The following EXT2 variants were observed in gnomAD, a reference collection of about 807,000 sequenced individuals.
EXT2 encodes the protein exostosin glycosyltransferase 2.
In EXT2, 53 loss-of-function variants were observed where a neutral mutation model predicts 81.6. The observed-to-expected ratio is 0.65, with a 90% CI of 0.52 to 0.82. The LOEUF is 0.82. Among genes scored for constraint, EXT2 ranks in the 40% least tolerant of loss-of-function variants. EXT2 has a pLI of 0.00. For synonymous variants in EXT2, 320 were observed against 340.0 expected (o/e 0.94, Z 0.65); for missense variants, 774 against 910.2 (o/e 0.85, Z 1.93).
At position 44,197,987 on chromosome 11, in the gene EXT2, C is replaced by G. The variant is rs1565231134; in HGVS notation, c.1464C>G (p.Val488=). ...CCAGTCTATCCAAACTACTTGTCGT[C>G]TGGAATAATCAGAATAAAAACCCTC... The part of the protein sequence containing the change: ...KVPSLSKLLV[V]WNNQNKNPPE... Residue 488 remains valine (V), a synonymous_variant, in exon 9 of 14, where the codon GTC becomes GTG. Coordinates refer to ENST00000533608, the MANE Select transcript of EXT2 (RefSeq NM_207122.2). 3 of 1,614,108 alleles carry G rather than the reference C, an allele frequency of 1.9e-6. No homozygotes were observed. Among genetic ancestry groups the G allele is most frequent in the Non-Finnish European group, 2.5e-6 (3 of 1,179,986 alleles).
At chr11:44,205,286 CT>C (rs1485563560) in intron 9 of EXT2, among the ~76,000 whole-genome samples, 1 of 152,156 alleles carries the variant, frequency 6.6e-6, no homozygotes, top group Non-Finnish European at 1.5e-5. Context: ...TCTACTTATT[CT>C]TATGCTGAGA....
At chr11:44,102,890 TTTTC>T (rs1242883518) in intron 1 of EXT2, among the ~76,000 whole-genome samples, 1 of 152,210 alleles carries the variant, frequency 6.6e-6, no homozygotes, top group Non-Finnish European at 1.5e-5. Flanking sequence ...GTTTGTTTTG[TTTTC>T]TTTTTGTTTG....
chr11:44,181,448 A>G (rs926545054), intron 8 of EXT2, among the ~76,000 whole-genome samples: 19 of 151,972 alleles, frequency 1.3e-4, no homozygotes, highest in Admixed American at 2.0e-4. Flanking sequence ...TTCTTTGATT[A>G]TTTTATTTTT....
chr11:44,196,050 T>C (rs1488516138), intron 8 of EXT2, among the ~76,000 whole-genome samples: 1 of 152,208 alleles, frequency 6.6e-6, no homozygotes, highest in Non-Finnish European at 1.5e-5. Flanking sequence ...TCTTAATTAT[T>C]ATCAGTGCAA....
chr11:44,107,520 G>T (rs1422437032), intron 1 of EXT2, among the ~76,000 whole-genome samples, 163 bp from the exon 2 acceptor site: 3 of 152,062 alleles, frequency 2.0e-5, no homozygotes, highest in Admixed American at 6.5e-5. Flanking sequence ...GGAGGTGAAG[G>T]TTGCAGTGAG....
rs1411910242 is a variant in EXT2 at position 44,233,294 on chromosome 11, G to C, written c.1806+798G>C. On this transcript the variant is annotated intron_variant, in intron 11 of 13. Transcript: ENST00000533608. ...AAACTGTTTTACCATGCCTTTTCTTGCATGAAATATGATTAATAGAAAAGA... is the reference window on the plus strand; with the variant it reads ...AAACTGTTTTACCATGCCTTTTCTTCCATGAAATATGATTAATAGAAAAGA... Among the ~76,000 whole-genome samples, 11 of 152,162 alleles carry C rather than the reference G, an allele frequency of 7.2e-5. No homozygotes were observed. In the South Asian group the frequency reaches 1.9e-3, roughly 26 times the overall value.
chr11:44,237,424 C>A (rs903463822), intron 13 of EXT2, among the ~76,000 whole-genome samples: 2 of 152,020 alleles, frequency 1.3e-5, no homozygotes, highest in Admixed American at 1.3e-4. Context: ...TATATTATCA[C>A]TGGTTGATGT....
At chr11:44,225,531 G>A (rs1955829568) in intron 10 of EXT2, among the ~76,000 whole-genome samples, 2 of 152,200 alleles carry the variant, frequency 1.3e-5, no homozygotes, top group South Asian at 4.1e-4. Context: ...TGGTCATTCA[G>A]CAGGCACCTG....
intron 4 of EXT2, chr11:44,116,090 T>C (rs1954218092): frequency 6.6e-6 from 1 of 152,226 alleles, no homozygotes; most frequent in Non-Finnish European, 1.5e-5. Context: ...ATTCACAAAA[T>C]TGTGCAACTA....
At position 44,221,403 on chromosome 11, in the gene EXT2, T is replaced by A. The variant is rs530293426; in HGVS notation, c.1663-10950T>A. On this transcript the variant is annotated intron_variant, in intron 10 of 13. Coordinates refer to ENST00000533608, the MANE Select transcript of EXT2 (RefSeq NM_207122.2). Reference sequence around the variant, plus strand: ...GTTATTTTAAAGAGGTGTTGGTACATTTGATGGTTTAAAGAATATGTACTT... The same window carrying A: ...GTTATTTTAAAGAGGTGTTGGTACAATTGATGGTTTAAAGAATATGTACTT... Among the ~76,000 whole-genome samples, 157 of 152,326 alleles carry A rather than the reference T, an allele frequency of 1.0e-3. No homozygotes were observed. In the Middle Eastern group the frequency reaches 0.014, roughly 13 times the overall value.
intron 3 of EXT2, among the ~76,000 whole-genome samples, chr11:44,113,290 A>C (rs1293575517): frequency 1.3e-5 from 2 of 152,194 alleles, no homozygotes; most frequent in African/African-American, 4.8e-5. Flanking sequence ...TCAATATTGC[A>C]AAAAATGTGG....
chr11:44,196,288 C>T (rs1328255027), intron 8 of EXT2, among the ~76,000 whole-genome samples: 1 of 152,132 alleles, frequency 6.6e-6, no homozygotes, highest in African/African-American at 2.4e-5. Flanking sequence ...TTTGATATGG[C>T]AGTGGTTTTT....
At chr11:44,162,962 A>G (rs913873730) in intron 7 of EXT2, among the ~76,000 whole-genome samples, 6 of 152,366 alleles carry the variant, frequency 3.9e-5, no homozygotes, top group Middle Eastern at 3.4e-3. Flanking sequence ...AATGATTAGT[A>G]TGTGGATAAA....
intron 3 of EXT2, among the ~76,000 whole-genome samples, chr11:44,113,338 G>A (rs1590554394): frequency 6.6e-6 from 1 of 152,202 alleles, no homozygotes; most frequent in Non-Finnish European, 1.5e-5. Flanking sequence ...ACTTTGTAGT[G>A]TGTGTTGCCC....
At chr11:44,196,401 T>A (rs1955456617) in intron 8 of EXT2, among the ~76,000 whole-genome samples, 1 of 152,220 alleles carries the variant, frequency 6.6e-6, no homozygotes, top group African/African-American at 2.4e-5. Context: ...ACTGAGAACT[T>A]CTTTAATTTC....
chr11:44,182,005 T>C (rs531767907), intron 8 of EXT2, among the ~76,000 whole-genome samples: 3 of 152,304 alleles, frequency 2.0e-5, no homozygotes, highest in African/African-American at 7.2e-5. Context: ...TTGGACTGGC[T>C]CATTGATCAG....
At chr11:44,239,990 C>T (rs969986252) in intron 13 of EXT2, among the ~76,000 whole-genome samples, 1 of 152,108 alleles carries the variant, frequency 6.6e-6, no homozygotes, top group African/African-American at 2.4e-5. Context: ...CTCTAGATTA[C>T]TTACAATCCC....
chr11:44,119,169 T>TATATATATATATACAC lies in EXT2; in HGVS notation c.743+4869_743+4870insTATATATATATACACA, dbSNP rs1192115471. 1.0e-3 allele frequency among the ~76,000 whole-genome samples: 63 copies of TATATATATATATACAC among 63,096 alleles called. 4 individuals are homozygous for TATATATATATATACAC. The highest frequency in any genetic ancestry group is 1.1e-3 in the Non-Finnish European group (36 of 31,734). The allele number at this position is 63,096 out of a possible 152,430, so 41.4% of individuals were successfully genotyped here. The stretch of plus-strand genomic sequence containing the variant: ...ATATATATATATATATATATATATA[T>TATATATATATATACAC]ACACATACACACACACACACACACA... On this transcript the variant is annotated intron_variant, in intron 4 of 13. Transcript: ENST00000533608.
At chr11:44,225,478 C>T (rs1316762520) in intron 10 of EXT2, among the ~76,000 whole-genome samples, 5 of 152,042 alleles carry the variant, frequency 3.3e-5, no homozygotes, top group African/African-American at 9.7e-5. Flanking sequence ...AGGGTTTTTT[C>T]GTGTTCCCTG....
Sources: allele counts gnomAD v4.1 joint callset (sites outside exome capture counted in the v4.1 genomes callset), GRCh38; gene constraint gnomAD v4.1.1; transcripts MANE v1.5; gene names NCBI Gene and HGNC (gene_info 2026-07-23, HGNC 2026-07-21).